Variants in EDA observed in about 807,000 individuals in gnomAD.
EDA encodes ectodysplasin-A.
Under a neutral mutation model 23.6 loss-of-function variants are expected in EDA, and 2 were observed. The ratio of observed to expected loss-of-function variants is 0.08; its 90% CI spans 0.03 to 0.27. The LOEUF is 0.27. Among genes scored for constraint, EDA ranks in the 10% least tolerant of loss-of-function variants. The pLI is 1.00. For missense variants in EDA, 229 were observed against 324.2 expected, an observed-to-expected ratio of 0.71 and a Z score of 2.26; for synonymous variants, 131 against 132.0, an observed-to-expected ratio of 0.99 and a Z score of 0.05.
intron 1 of EDA, among the ~76,000 whole-genome samples, chrX:69,634,571 G>A (rs1430425222): frequency 1.8e-5 from 2 of 110,682 alleles, no homozygotes; most frequent in Non-Finnish European, 3.8e-5. Context: ...CGCCCACCTC[G>A]GCCTCCCAGA....
intron 1 of EDA, among the ~76,000 whole-genome samples, chrX:69,918,356 C>T (rs1343459633): frequency 9.1e-6 from 1 of 110,150 alleles, no homozygotes; most frequent in Admixed American, 9.7e-5. Context: ...GGGGTTTCGC[C>T]ATATTGGCCA....
In EDA at chrX:70,038,656, A is replaced by C. The variant is rs772294022; in HGVS notation, c.*3047A>C. 1 of 112,076 alleles carries C rather than the reference A, an allele frequency of 8.9e-6. No homozygotes were observed. The highest frequency in any genetic ancestry group is 9.5e-5 in the Admixed American group (1 of 10,574). 9.2% of individuals were successfully genotyped at this position (112,076 alleles called of 1,213,427 possible). A position where few individuals can be genotyped will look rare whatever the true frequency, so the allele number is the denominator to read the frequency against. On this transcript the variant is annotated 3_prime_UTR_variant, in exon 8 of 8. Coordinates refer to ENST00000374552, the MANE Select transcript of EDA (RefSeq NM_001399.5). Reference sequence around the variant, plus strand: ...TTCCCCCTTCATCCATCCTGAGCCAAATTTCTTTTGCTGAACAGGAAAGAG... The same window carrying C: ...TTCCCCCTTCATCCATCCTGAGCCACATTTCTTTTGCTGAACAGGAAAGAG...
At chrX:69,652,629 AC>A (rs1263914366) in intron 1 of EDA, among the ~76,000 whole-genome samples, 1 of 111,809 alleles carries the variant, frequency 8.9e-6, no homozygotes, top group East Asian at 2.8e-4. Context: ...CTTGTCTTTG[AC>A]CTTTAACCTG....
Position 69,623,873 on chromosome X carries a change from T to C in EDA, c.396+7169T>C, listed in dbSNP as rs922351643. 8.1e-5 allele frequency among the ~76,000 whole-genome samples: 9 copies of C among 110,959 alleles called. 1 individual carries two copies. Among genetic ancestry groups the C allele is most frequent in the Non-Finnish European group, 1.7e-4 (9 of 52,804 alleles). On this transcript the variant is annotated intron_variant, in intron 1 of 7. Transcript: ENST00000374552. ...TTTTATAAACCATATATAGAACTTG[T>C]ATCAACTGGACCATTTAAAATGTGC...
chrX:69,624,634 C>T (rs138285921), intron 1 of EDA, among the ~76,000 whole-genome samples: 1 of 111,217 alleles, frequency 9.0e-6, no homozygotes, highest in East Asian at 2.8e-4. Context: ...CCCTTCAATC[C>T]AAGTGAAGGT....
intron 1 of EDA, among the ~76,000 whole-genome samples, chrX:69,771,849 G>C (rs1173860535): frequency 8.9e-6 from 1 of 112,557 alleles, no homozygotes; most frequent in Non-Finnish European, 1.9e-5. Context: ...TGTGATGTTA[G>C]CTGTAGGAAC....
intron 1 of EDA, among the ~76,000 whole-genome samples, chrX:69,742,192 C>CAAGTGGT (rs2013479178): frequency 9.0e-6 from 1 of 111,713 alleles, no homozygotes; most frequent in African/African-American, 3.3e-5. Flanking sequence ...TTCTGTCCTA[C>CAAGTGGT]AAGTGGTAAG....
At chrX:69,657,679 A>G (rs1467748272) in intron 1 of EDA, among the ~76,000 whole-genome samples, 1 of 111,996 alleles carries the variant, frequency 8.9e-6, no homozygotes, top group Admixed American at 9.5e-5. Flanking sequence ...GTCAAGTTTC[A>G]TTCTTCTGCA....
At chrX:69,754,006 G>T (rs1215022468) in intron 1 of EDA, among the ~76,000 whole-genome samples, 1 of 110,614 alleles carries the variant, frequency 9.0e-6, no homozygotes, top group African/African-American at 3.3e-5. Context: ...GCACATGGAT[G>T]GGTCTTGACT....
chrX:69,620,783 C>T, intron 1 of EDA: 1 of 327,799 alleles, frequency 3.1e-6, no homozygotes, highest in Non-Finnish European at 5.9e-6. Context: ...TCCATAATGC[C>T]TGACACAGTG....
At chrX:69,747,916 A>C (rs2013673631) in intron 1 of EDA, among the ~76,000 whole-genome samples, 1 of 111,757 alleles carries the variant, frequency 8.9e-6, no homozygotes, top group Non-Finnish European at 1.9e-5. Context: ...GATCAAGAGC[A>C]GTTAATTCAG....
intron 1 of EDA, among the ~76,000 whole-genome samples, chrX:69,829,674 C>T (rs994183719): frequency 8.9e-6 from 1 of 111,842 alleles, no homozygotes; most frequent in African/African-American, 3.2e-5. Context: ...TATGGTAGCA[C>T]CTGCTTCTGA....
rs767046606 is a variant in EDA, at chrX:69,689,460, C to T, written c.396+72756C>T. Reference sequence around the variant, plus strand: ...AAGCGAGTCTCCTGTCTCAGCCTCCCGAGTAGCTGGGATTACAGGCACCCA... The same window carrying T: ...AAGCGAGTCTCCTGTCTCAGCCTCCTGAGTAGCTGGGATTACAGGCACCCA... On this transcript the variant is annotated intron_variant, in intron 1 of 7. Transcript: ENST00000374552. Among the ~76,000 whole-genome samples the T allele has an allele frequency of 1.2e-4, 13 of 108,760 alleles. No individual in the cohort carries two copies. The East Asian group carries it at 1.7e-3, about 15-fold the overall frequency. 94.4% of individuals were successfully genotyped at this position (108,760 alleles called of 115,157 possible).
chrX:69,904,871 A>C (rs962214259), intron 1 of EDA, among the ~76,000 whole-genome samples: 1 of 111,964 alleles, frequency 8.9e-6, no homozygotes, highest in Non-Finnish European at 1.9e-5. Flanking sequence ...TCTTTTTTAT[A>C]GCTGAATAGG....
At chrX:69,955,840 A>G (rs1443284378) in intron 1 of EDA, among the ~76,000 whole-genome samples, 1 of 111,991 alleles carries the variant, frequency 8.9e-6, no homozygotes, top group Non-Finnish European at 1.9e-5. Flanking sequence ...CAGAGTTGGC[A>G]TTAGAATCAC....
intron 1 of EDA, chrX:69,743,058 T>G (rs2013509471): frequency 9.0e-6 from 1 of 111,350 alleles, no homozygotes; most frequent in African/African-American, 3.3e-5. Context: ...TTAAGGCAAG[T>G]CACCTCATTT....
At position 69,788,949 on chromosome X, in the gene EDA, G is replaced by T. The variant is rs12848978; in HGVS notation, c.397-168078G>T. On this transcript the variant is annotated intron_variant, in intron 1 of 7. Coordinates refer to ENST00000374552, the MANE Select transcript of EDA (RefSeq NM_001399.5). ...CTGTGCTATCAATCAGCGAGACTCC[G>T]TGGGCGTAGGACCCTCCGAGCCAGG... Among the ~76,000 whole-genome samples the T allele has an allele frequency of 7.5e-4, 84 of 111,301 alleles. 1 individual carries two copies. Among genetic ancestry groups the T allele is most frequent in the African/African-American group, 2.6e-3 (80 of 30,830 alleles).
chrX:70,003,926 A>G (rs2019769786), intron 2 of EDA, among the ~76,000 whole-genome samples: 1 of 111,949 alleles, frequency 8.9e-6, no homozygotes, highest in African/African-American at 3.3e-5. Flanking sequence ...TGTGAAAAAC[A>G]CTGCATGATC....
intron 1 of EDA, among the ~76,000 whole-genome samples, chrX:69,714,202 A>C (rs963308765): frequency 9.0e-6 from 1 of 110,987 alleles, no homozygotes; most frequent in Non-Finnish European, 1.9e-5. Context: ...TTGATCTGCA[A>C]TCTCTGTGTC....
Sources: gnomAD v4.1 joint callset for allele counts (sites outside exome capture counted in the v4.1 genomes callset) on GRCh38, gnomAD v4.1.1 for gene constraint, MANE v1.5 for transcripts, NCBI Gene and HGNC (gene_info 2026-07-23, HGNC 2026-07-21) for gene names.